Variants in SLC24A4 observed in about 807,000 individuals in gnomAD.
The protein encoded by SLC24A4 is solute carrier family 24 member 4.
Under a neutral mutation model 79.0 loss-of-function variants are expected in SLC24A4, and 53 were observed. The observed-to-expected ratio is 0.67, with a 90% CI of 0.54 to 0.84. The LOEUF (loss-of-function observed/expected upper bound fraction) is 0.84, where lower values mean the gene tolerates loss of function less well. Among genes scored for constraint, SLC24A4 ranks in the 40% least tolerant of loss-of-function variants. The pLI, the probability that SLC24A4 is intolerant of heterozygous loss-of-function variation, is 0.00. For synonymous variants in SLC24A4, 323 were observed against 323.8 expected (o/e 1.00, Z 0.03); for missense variants, 731 against 822.0 (o/e 0.89, Z 1.35).
chr14:92,428,021 C>A (rs1289849164), intron 2 of SLC24A4, among the ~76,000 whole-genome samples: 2 of 152,210 alleles, frequency 1.3e-5, no homozygotes, highest in African/African-American at 4.8e-5. Flanking sequence ...CCAGTGCCTT[C>A]GTCTTGGACC....
chr14:92,436,520 G>T (rs1426784814), intron 3 of SLC24A4, among the ~76,000 whole-genome samples: 1 of 152,220 alleles, frequency 6.6e-6, no homozygotes, highest in Non-Finnish European at 1.5e-5. Context: ...CAGAATAGTT[G>T]TGGAAGTGAC....
intron 13 of SLC24A4, 109 bp from the exon 14 acceptor site, chr14:92,486,557 A>AT (rs1166826906): frequency 4.4e-6 from 3 of 689,004 alleles, no homozygotes; most frequent in Non-Finnish European, 7.5e-6. Flanking sequence ...AGCCCCAGTA[A>AT]TTCTAAAATA....
chr14:92,487,336 T>C (rs183751085), intron 14 of SLC24A4, among the ~76,000 whole-genome samples: 56 of 152,336 alleles, frequency 3.7e-4, no homozygotes, highest in African/African-American at 1.2e-3. Flanking sequence ...TCTTTTCTGC[T>C]AGCCAGGTAG....
intron 2 of SLC24A4, among the ~76,000 whole-genome samples, chr14:92,342,584 T>C (rs113823609): frequency 0.049 from 7,516 of 152,164 alleles, 597 homozygotes; most frequent in African/African-American, 0.17. Flanking sequence ...AGTTTTGCCA[T>C]GTTGGCCAGG....
intron 12 of SLC24A4, among the ~76,000 whole-genome samples, chr14:92,468,527 C>T (rs913127788): frequency 6.6e-6 from 1 of 152,126 alleles, no homozygotes; most frequent in African/African-American, 2.4e-5. Flanking sequence ...ATAGAGTAAT[C>T]AAGATTGTCT....
chr14:92,379,304 A>G (rs1158284982), intron 2 of SLC24A4, among the ~76,000 whole-genome samples: 1 of 152,056 alleles, frequency 6.6e-6, no homozygotes, highest in Admixed American at 6.5e-5. Flanking sequence ...TTTCTGCCCA[A>G]ATTCTCAGGG....
intron 12 of SLC24A4, among the ~76,000 whole-genome samples, chr14:92,463,037 CTG>C (rs1272706261): frequency 6.6e-6 from 1 of 152,146 alleles, no homozygotes; most frequent in East Asian, 1.9e-4. Context: ...GTTGAGTAAA[CTG>C]TGTTGAATTG....
chr14:92,357,885 G>A (rs1312794958), intron 2 of SLC24A4, among the ~76,000 whole-genome samples: 1 of 152,178 alleles, frequency 6.6e-6, no homozygotes, highest in African/African-American at 2.4e-5. Context: ...AAAATATATT[G>A]CATTTCAAAA....
intron 2 of SLC24A4, among the ~76,000 whole-genome samples, chr14:92,395,137 T>G (rs578244035): frequency 6.6e-6 from 1 of 152,332 alleles, no homozygotes; most frequent in South Asian, 2.1e-4. Flanking sequence ...AATTGTCATC[T>G]TATTTTCTTT....
At chr14:92,484,252 C>T (rs1242318362) in intron 13 of SLC24A4, 3 of 985,332 alleles carry the variant, frequency 3.0e-6, no homozygotes, top group Non-Finnish European at 3.6e-6. Flanking sequence ...CCTGAAATCC[C>T]ACCCTTTGGC....
intron 2 of SLC24A4, among the ~76,000 whole-genome samples, chr14:92,330,155 G>GC (rs11377698): frequency 0.98 from 149,229 of 152,194 alleles, 73,217 homozygotes; most frequent in East Asian, 1. Flanking sequence ...AGAGTCTCAG[G>GC]CCCCCCAATC....
chr14:92,465,235 G>T (rs1441441713), intron 12 of SLC24A4, among the ~76,000 whole-genome samples: 2 of 152,168 alleles, frequency 1.3e-5, no homozygotes, highest in African/African-American at 2.4e-5. Flanking sequence ...AAGTGGGTGG[G>T]CCGGGACAGT....
chr14:92,323,774 A>C lies in SLC24A4; in HGVS notation c.-57A>C, dbSNP rs1884936067. ...CCAGCGCCGCTCGGCCACTGATTGC[A>C]CTCTGGCCGCTGAAGCTCCCCATCC... On this transcript the variant is annotated 5_prime_UTR_variant, in exon 1 of 17. Coordinates refer to ENST00000532405, the MANE Select transcript of SLC24A4 (RefSeq NM_153646.4). The surrounding 1 kb of genome is among the most constrained non-coding windows in gnomAD (Gnocchi z 4.9). The C allele has an allele frequency of 1.3e-6, 2 of 1,518,190 alleles. No individual in the cohort carries two copies. Among genetic ancestry groups the C allele is most frequent in the Non-Finnish European group, 1.8e-6 (2 of 1,137,980 alleles). 94.0% of individuals were successfully genotyped at this position (1,518,190 alleles called of 1,614,324 possible).
chr14:92,476,535 T>C (rs1894776482), intron 12 of SLC24A4, among the ~76,000 whole-genome samples: 1 of 152,140 alleles, frequency 6.6e-6, no homozygotes, highest in African/African-American at 2.4e-5. Context: ...CTAGTGCCAG[T>C]CTACTTTGCA....
At position 92,500,154 on chromosome 14, in the gene SLC24A4, T is replaced by G. The variant is rs1896105265; in HGVS notation, c.*6526T>G. ...CGCCCCGCCAAGCAGTTGCTTCTTA[T>G]GCAACATGTTGGTTGGGACTTGTCC... On this transcript the variant is annotated 3_prime_UTR_variant, in exon 17 of 17. Coordinates refer to ENST00000532405, the MANE Select transcript of SLC24A4 (RefSeq NM_153646.4). The G allele has an allele frequency of 6.6e-6, 1 of 152,216 alleles. No individual in the cohort carries two copies. Among genetic ancestry groups the G allele is most frequent in the Non-Finnish European group, 1.5e-5 (1 of 68,054 alleles). 9.4% of individuals were successfully genotyped at this position (152,216 alleles called of 1,614,324 possible). A position where few individuals can be genotyped will look rare whatever the true frequency, so the allele number is the denominator to read the frequency against.
intron 6 of SLC24A4, 138 bp downstream of exon 6, chr14:92,442,954 GT>G: frequency 1.4e-6 from 1 of 695,726 alleles, no homozygotes; most frequent in Non-Finnish European, 2.5e-6. Context: ...TTGGGGCCTG[GT>G]TTTGGCCTCT....
At chr14:92,470,541 A>G (rs1370147682) in intron 12 of SLC24A4, among the ~76,000 whole-genome samples, 1 of 152,040 alleles carries the variant, frequency 6.6e-6, no homozygotes, top group African/African-American at 2.4e-5. Flanking sequence ...TTTTTTTCAC[A>G]TAATTAAATT....
rs763427713 is a variant in SLC24A4 at position 92,442,134 on chromosome 14, G to T, written c.439G>T (p.Ala147Ser). Residue 147 changes from alanine (A) to serine (S), a missense_variant, in exon 5 of 17, where the codon GCA (alanine) becomes TCA (serine). Coordinates refer to ENST00000532405, the MANE Select transcript of SLC24A4 (RefSeq NM_153646.4). ...EDVAGATFMAAGSSTPELFAS... is the reference protein window; with the variant it reads ...EDVAGATFMASGSSTPELFAS... Reference sequence around the variant, plus strand: ...TGTGGCTGGAGCCACCTTCATGGCTGCAGGAAGCTCAACGCCAGAGCTGTT... The same window carrying T: ...TGTGGCTGGAGCCACCTTCATGGCTTCAGGAAGCTCAACGCCAGAGCTGTT... 9.3e-6 allele frequency: 15 copies of T among 1,613,980 alleles called. No homozygotes were observed. Among genetic ancestry groups the T allele is most frequent in the Non-Finnish European group, 1.3e-5 (15 of 1,179,928 alleles).
intron 12 of SLC24A4, among the ~76,000 whole-genome samples, chr14:92,470,834 T>C (rs1291860511): frequency 6.6e-6 from 1 of 152,206 alleles, no homozygotes; most frequent in African/African-American, 2.4e-5. Flanking sequence ...AGAACCCCTA[T>C]TCAGGCCGGT....
Sources: allele counts gnomAD v4.1 joint callset (sites outside exome capture counted in the v4.1 genomes callset), GRCh38; gene constraint gnomAD v4.1.1; non-coding constraint Gnocchi (gnomAD v3.1); transcripts MANE v1.5; gene names NCBI Gene and HGNC (gene_info 2026-07-23, HGNC 2026-07-21).